The following BACH2 variants were observed in gnomAD, a reference collection of about 807,000 sequenced individuals.
BACH2 encodes BACH transcriptional regulator 2, also known as transcription regulator protein BACH2.
Under a neutral mutation model 61.8 loss-of-function variants are expected in BACH2, and 5 were observed. The observed-to-expected ratio is 0.08, with a 90% CI of 0.04 to 0.17. The LOEUF is 0.17. Ranked by LOEUF, BACH2 falls within the 10% of genes least tolerant of loss-of-function variation. The pLI, the probability that BACH2 is intolerant of heterozygous loss-of-function variation, is 1.00. For synonymous variants in BACH2, 446 were observed against 440.1 expected (o/e 1.01, Z -0.17); for missense variants, 824 against 1,091.1 (o/e 0.76, Z 3.45).
intron 5 of BACH2, among the ~76,000 whole-genome samples, chr6:90,084,081 C>T (rs529999769): frequency 1.7e-5 from 1 of 57,664 alleles, no homozygotes; most frequent in South Asian, 7.1e-4. Flanking sequence ...GTGGTGTGTG[C>T]GGTAGGGTGG....
At chr6:90,210,766 C>T (rs1330765015) in intron 3 of BACH2, among the ~76,000 whole-genome samples, 1 of 152,076 alleles carries the variant, frequency 6.6e-6, no homozygotes, top group Admixed American at 6.5e-5. Context: ...TCCCATAAGC[C>T]CGTGTGACTT....
intron 2 of BACH2, among the ~76,000 whole-genome samples, chr6:90,263,547 A>G (rs1460808154): frequency 6.6e-6 from 1 of 152,212 alleles, no homozygotes; most frequent in African/African-American, 2.4e-5. Flanking sequence ...TTTAAAATAG[A>G]CAAATTAGTG....
At chr6:90,278,199 C>T (rs1015620823) in intron 1 of BACH2, among the ~76,000 whole-genome samples, 25 of 152,234 alleles carry the variant, frequency 1.6e-4, no homozygotes, top group African/African-American at 5.8e-4. Context: ...CTACTCACAG[C>T]TCACAGTTCA....
In BACH2 at chr6:89,930,127, AC is replaced by A. The variant is rs1370694422; in HGVS notation, c.*2280del. ...AGATCTGTTTCAGACACACACACAC[AC>A]ACACACACACACACACACACACACA... On this transcript the variant is annotated 3_prime_UTR_variant, in exon 9 of 9. Transcript: ENST00000257749. The A allele has an allele frequency of 2.5e-4, 33 of 130,718 alleles. 2 individuals are homozygous for A. Among genetic ancestry groups the A allele is most frequent in the African/African-American group, 8.8e-4 (32 of 36,172 alleles). The allele number at this position is 130,718 out of a possible 1,614,324, so 8.1% of individuals were successfully genotyped here. A position where few individuals can be genotyped will look rare whatever the true frequency, so the allele number is the denominator to read the frequency against.
intron 5 of BACH2, among the ~76,000 whole-genome samples, chr6:90,069,182 A>G (rs781431189): frequency 1.3e-5 from 2 of 152,196 alleles, no homozygotes; most frequent in African/African-American, 2.4e-5. Context: ...TCACTTCAGT[A>G]TCTGCCCCAC....
At chr6:89,974,770 G>A (rs1296369646) in intron 6 of BACH2, among the ~76,000 whole-genome samples, 4 of 152,144 alleles carry the variant, frequency 2.6e-5, no homozygotes, top group South Asian at 4.1e-4. Context: ...GTTTACAACC[G>A]TCCCTTAAAA....
At chr6:90,018,451 A>G (rs1344917596) in intron 5 of BACH2, among the ~76,000 whole-genome samples, 1 of 152,040 alleles carries the variant, frequency 6.6e-6, no homozygotes, top group African/African-American at 2.4e-5. Context: ...TTTCCTGGGG[A>G]TTACTATCTT....
intron 4 of BACH2, among the ~76,000 whole-genome samples, chr6:90,154,999 G>A (rs971653807): frequency 1.3e-5 from 2 of 152,206 alleles, no homozygotes; most frequent in African/African-American, 4.8e-5. Flanking sequence ...GCAGACATGA[G>A]GAGAAGGGGC....
chr6:90,295,778 C>G (rs557278068), intron 1 of BACH2, among the ~76,000 whole-genome samples: 2 of 152,210 alleles, frequency 1.3e-5, no homozygotes, highest in African/African-American at 2.4e-5. Flanking sequence ...ACGCGGGACG[C>G]TTTCCGACAA....
intron 6 of BACH2, among the ~76,000 whole-genome samples, chr6:89,976,515 G>A (rs1775661424): frequency 6.6e-6 from 1 of 152,180 alleles, no homozygotes; most frequent in African/African-American, 2.4e-5. Context: ...TCCTGCAATT[G>A]TGTGTGTGGG....
chr6:90,030,705 A>G (rs1554230974), intron 5 of BACH2, among the ~76,000 whole-genome samples: 3 of 152,100 alleles, frequency 2.0e-5, no homozygotes, highest in Non-Finnish European at 4.4e-5. Context: ...AATTGAGGCA[A>G]TAATTAATAG....
intron 6 of BACH2, among the ~76,000 whole-genome samples, chr6:89,955,073 GCAC>G (rs919696885): frequency 6.6e-6 from 1 of 152,214 alleles, no homozygotes; most frequent in African/African-American, 2.4e-5. Flanking sequence ...CTAGTGCCCA[GCAC>G]TGTGCTCTTG....
chr6:89,969,215 A>G (rs1775225012), intron 6 of BACH2, among the ~76,000 whole-genome samples: 1 of 151,792 alleles, frequency 6.6e-6, no homozygotes, highest in Admixed American at 6.6e-5. Flanking sequence ...CACCACGCCC[A>G]GCTAATTTTT....
intron 5 of BACH2, among the ~76,000 whole-genome samples, chr6:90,068,687 TA>T (rs1781080731): frequency 6.6e-6 from 1 of 151,734 alleles, no homozygotes; most frequent in African/African-American, 2.4e-5. Context: ...TTTTCTGACC[TA>T]AAAATTAGAA....
chr6:90,198,141 C>A (rs1001719910), intron 4 of BACH2, among the ~76,000 whole-genome samples: 13 of 152,126 alleles, frequency 8.5e-5, no homozygotes, highest in African/African-American at 2.9e-4. Context: ...TGACTCGGAG[C>A]CACTATTGTC....
At chr6:90,273,348 ACT>A (rs1771590033) in intron 1 of BACH2, among the ~76,000 whole-genome samples, 1 of 151,912 alleles carries the variant, frequency 6.6e-6, no homozygotes, top group Non-Finnish European at 1.5e-5. Context: ...ACAGAGCAAG[ACT>A]CTGTTTCTAA....
intron 6 of BACH2, among the ~76,000 whole-genome samples, chr6:89,972,486 AC>A (rs1468899400): frequency 3.3e-5 from 5 of 152,170 alleles, no homozygotes; most frequent in Non-Finnish European, 5.9e-5. Flanking sequence ...CAACCTGGAT[AC>A]CCCATTGACG....
At chr6:90,223,890 T>C (rs1488632190) in intron 3 of BACH2, among the ~76,000 whole-genome samples, 1 of 152,232 alleles carries the variant, frequency 6.6e-6, no homozygotes, top group Non-Finnish European at 1.5e-5. Context: ...ACTATCTGAA[T>C]CTCTGCTCTC....
At chr6:90,213,766 C>T (rs546837894) in intron 3 of BACH2, among the ~76,000 whole-genome samples, 60 of 152,314 alleles carry the variant, frequency 3.9e-4, no homozygotes, top group African/African-American at 1.4e-3. Context: ...GCCTTACATA[C>T]ATACAGTAGG....
Sources: allele counts gnomAD v4.1 joint callset (sites outside exome capture counted in the v4.1 genomes callset), GRCh38; gene constraint gnomAD v4.1.1; transcripts MANE v1.5; gene names NCBI Gene and HGNC (gene_info 2026-07-23, HGNC 2026-07-21).